Variants in HLCS observed in about 807,000 individuals in gnomAD.
The protein encoded by HLCS is holocarboxylase synthetase.
HLCS carries 53 observed loss-of-function variants against 75.0 expected under a neutral mutation model. The ratio of observed to expected loss-of-function variants is 0.71; its 90% confidence interval spans 0.57 to 0.89. The LOEUF (loss-of-function observed/expected upper bound fraction) is 0.89, where lower values mean the gene tolerates loss of function less well. Among genes scored for constraint, HLCS ranks in the 40% least tolerant of loss-of-function variants. The pLI is 0.00. For synonymous variants in HLCS, 431 were observed against 428.6 expected (o/e 1.01, Z -0.07); for missense variants, 966 against 1,074.0 (o/e 0.90, Z 1.41).
At chr21:36,925,706 C>G (rs1344683186) in intron 5 of HLCS, among the ~76,000 whole-genome samples, 3 of 152,222 alleles carry the variant, frequency 2.0e-5, no homozygotes, top group Non-Finnish European at 1.5e-5. Flanking sequence ...AACCCGCCAG[C>G]TGCCCCTCCC....
chr21:36,841,858 G>A (rs1208356540), intron 6 of HLCS, among the ~76,000 whole-genome samples: 2 of 152,092 alleles, frequency 1.3e-5, no homozygotes, highest in Non-Finnish European at 2.9e-5. Flanking sequence ...CAGAGAATTC[G>A]AATGTCACTC....
intron 6 of HLCS, among the ~76,000 whole-genome samples, chr21:36,772,624 G>C (rs2060240983): frequency 8.2e-6 from 1 of 122,170 alleles, no homozygotes. Context: ...GGGCAACAGA[G>C]CAAGACACTG....
At chr21:36,767,410 G>A in intron 6 of HLCS, 125 bp from the exon 7 acceptor site, 2 of 846,316 alleles carry the variant, frequency 2.4e-6, no homozygotes, top group Middle Eastern at 3.2e-4. Flanking sequence ...GGCCAACTTT[G>A]GTTCCACTGG....
At chr21:36,844,814 T>C (rs892251340) in intron 6 of HLCS, among the ~76,000 whole-genome samples, 36 of 152,194 alleles carry the variant, frequency 2.4e-4, no homozygotes, top group African/African-American at 7.9e-4. Flanking sequence ...ATCCGATCGA[T>C]TGGGTCCATA....
chr21:36,846,278 A>G (rs538681353), intron 6 of HLCS, among the ~76,000 whole-genome samples: 3 of 152,298 alleles, frequency 2.0e-5, no homozygotes, highest in East Asian at 3.9e-4. Flanking sequence ...CAGTCAATAA[A>G]TGTTGGTTTC....
intron 2 of HLCS, among the ~76,000 whole-genome samples, chr21:36,955,773 G>C (rs1208471634): frequency 2.0e-5 from 3 of 152,200 alleles, no homozygotes; most frequent in African/African-American, 7.2e-5. Flanking sequence ...CTCACTCACT[G>C]ACTCGCCCTG....
intron 6 of HLCS, among the ~76,000 whole-genome samples, chr21:36,831,662 A>G (rs1281692258): frequency 6.6e-6 from 1 of 152,214 alleles, no homozygotes; most frequent in African/African-American, 2.4e-5. Flanking sequence ...CAGCCTGGGC[A>G]ACAGAGCAAG....
In HLCS at chr21:36,753,152, A is replaced by G. The variant is rs780432651; in HGVS notation, c.*1094T>C. The G allele has an allele frequency of 3.9e-5, 6 of 152,678 alleles. No individual in the cohort carries two copies. Among genetic ancestry groups the G allele is most frequent in the Non-Finnish European group, 7.3e-5 (5 of 68,060 alleles). The allele number at this position is 152,678 out of a possible 1,614,324, so 9.5% of individuals were successfully genotyped here. A position where few individuals can be genotyped will look rare whatever the true frequency, so the allele number is the denominator to read the frequency against. On this transcript the variant is annotated 3_prime_UTR_variant, in exon 11 of 11. Transcript: ENST00000674895. The surrounding 1 kb of genome is among the most constrained non-coding windows in gnomAD (Gnocchi z 4.3). ...TGTCTTCTTTTAAAGCTATGTGCGCACACACGCACGCACACACATATGCGG... is the reference window on the plus strand; with the variant it reads ...TGTCTTCTTTTAAAGCTATGTGCGCGCACACGCACGCACACACATATGCGG...
chr21:36,858,878 C>T (rs1258780894), intron 6 of HLCS, among the ~76,000 whole-genome samples: 1 of 152,192 alleles, frequency 6.6e-6, no homozygotes, highest in Non-Finnish European at 1.5e-5. Context: ...CCCAAATGCT[C>T]CTCGTGCATC....
At chr21:36,830,666 C>T (rs1223920423) in intron 6 of HLCS, among the ~76,000 whole-genome samples, 1 of 151,576 alleles carries the variant, frequency 6.6e-6, no homozygotes. Flanking sequence ...AAACCCGAAA[C>T]CTTGTCTCTA....
chr21:36,893,810 G>T (rs1467766125), intron 6 of HLCS, among the ~76,000 whole-genome samples: 1 of 152,212 alleles, frequency 6.6e-6, no homozygotes, highest in Non-Finnish European at 1.5e-5. Context: ...ACAGCCCGGG[G>T]GTCGGGGATC....
At chr21:36,927,380 G>A (rs1418887314) in intron 5 of HLCS, among the ~76,000 whole-genome samples, 1 of 152,206 alleles carries the variant, frequency 6.6e-6, no homozygotes, top group African/African-American at 2.4e-5. Context: ...GCTGACCGTC[G>A]CTGAGGCGAG....
intron 9 of HLCS, chr21:36,756,961 C>A (rs548769493): frequency 2.0e-6 from 2 of 985,138 alleles, no homozygotes; most frequent in Non-Finnish European, 2.4e-6. Context: ...CTTGTTCAAG[C>A]TAAAACCATC....
intron 6 of HLCS, among the ~76,000 whole-genome samples, chr21:36,786,155 T>C (rs897268797): frequency 6.6e-6 from 1 of 152,234 alleles, no homozygotes; most frequent in South Asian, 2.1e-4. Context: ...ATCTTGCCTC[T>C]TCCTGCTCCG....
chr21:36,782,918 A>G (rs1038865603), intron 6 of HLCS, among the ~76,000 whole-genome samples: 3 of 151,770 alleles, frequency 2.0e-5, no homozygotes, highest in Admixed American at 1.3e-4. Context: ...TGGGAGGCAG[A>G]GACTGCCGAG....
chr21:36,982,900 G>A (rs538394430), intron 1 of HLCS, among the ~76,000 whole-genome samples: 2 of 152,210 alleles, frequency 1.3e-5, no homozygotes, highest in Admixed American at 6.5e-5. Context: ...ATGGTGGCAC[G>A]CACCTGTAAT....
At chr21:36,893,105 C>G (rs1023239658) in intron 6 of HLCS, among the ~76,000 whole-genome samples, 2 of 151,950 alleles carry the variant, frequency 1.3e-5, no homozygotes, top group Non-Finnish European at 2.9e-5. Context: ...GAGTCTTGTT[C>G]GGTCACCCAG....
chr21:36,986,577 C>A (rs1034266648), intron 1 of HLCS, among the ~76,000 whole-genome samples: 6 of 152,188 alleles, frequency 3.9e-5, no homozygotes, highest in Non-Finnish European at 7.3e-5. Flanking sequence ...TACCACCATG[C>A]CCAGCTAATT....
intron 6 of HLCS, among the ~76,000 whole-genome samples, chr21:36,818,195 A>C (rs924254392): frequency 6.6e-6 from 1 of 152,212 alleles, no homozygotes; most frequent in African/African-American, 2.4e-5. Flanking sequence ...GGCGGCCAGA[A>C]GGATTTGAAG....
Sources: allele counts gnomAD v4.1 joint callset (sites outside exome capture counted in the v4.1 genomes callset), GRCh38; gene constraint gnomAD v4.1.1; non-coding constraint Gnocchi (gnomAD v3.1); transcripts MANE v1.5; gene names NCBI Gene and HGNC (gene_info 2026-07-23, HGNC 2026-07-21).